The following LRGUK variants were observed in gnomAD, a reference collection of about 807,000 sequenced individuals.
LRGUK encodes leucine-rich repeat and guanylate kinase domain-containing protein.
LRGUK carries 65 observed loss-of-function variants against 76.0 expected under a neutral mutation model. The observed-to-expected ratio is 0.85, with a 90% CI of 0.70 to 1.05. The LOEUF (loss-of-function observed/expected upper bound fraction) is 1.05. LRGUK is among the 50% of genes least tolerant of loss of function. The pLI is 0.00. For missense variants in LRGUK, 758 were observed against 732.8 expected (o/e 1.03, Z -0.40); for synonymous variants, 268 against 265.6 (o/e 1.01, Z -0.09).
At chr7:134,166,755 T>C (rs781147472) in intron 7 of LRGUK, among the ~76,000 whole-genome samples, 23 of 152,204 alleles carry the variant, frequency 1.5e-4, no homozygotes, top group Non-Finnish European at 3.1e-4. Context: ...ATTTTTGTGC[T>C]GCTTTGTATA....
At chr7:134,229,726 TA>T (rs1332666381) in intron 16 of LRGUK, among the ~76,000 whole-genome samples, 2 of 152,082 alleles carry the variant, frequency 1.3e-5, no homozygotes, top group Non-Finnish European at 2.9e-5. Flanking sequence ...ACAAGTAAAA[TA>T]AATAACAGCC....
chr7:134,171,866 G>T lies in LRGUK; in HGVS notation c.940-2690G>T, dbSNP rs1323925836. Among the ~76,000 whole-genome samples, 7 of 152,182 alleles carry T rather than the reference G, an allele frequency of 4.6e-5. No individual in the cohort carries two copies. The East Asian group carries it at 7.7e-4, about 17-fold the overall frequency. On this transcript the variant is annotated intron_variant, in intron 7 of 15. Transcript: ENST00000645682. Reference sequence around the variant, plus strand: ...AAGATGTGAGGGTGGAGTCCTCGGGGTAGGTTGTGCAGGAGAGGGAGGGCG... The same window carrying T: ...AAGATGTGAGGGTGGAGTCCTCGGGTTAGGTTGTGCAGGAGAGGGAGGGCG...
At chr7:134,264,089 A>G in exon 20 of LRGUK, 1 of 1,024,180 alleles carries the variant, frequency 9.8e-7, no homozygotes, top group East Asian at 3.1e-5. Context: ...TACCCACGGA[A>G]GAATGTTCTA....
chr7:134,143,645 C>T (rs1380508127), intron 4 of LRGUK, among the ~76,000 whole-genome samples: 1 of 152,030 alleles, frequency 6.6e-6, no homozygotes, highest in African/African-American at 2.4e-5. Flanking sequence ...CAAACTTTGC[C>T]CTTTTATTTA....
chr7:134,146,638 G>A (rs1797981438), intron 4 of LRGUK, among the ~76,000 whole-genome samples: 1 of 151,966 alleles, frequency 6.6e-6, no homozygotes, highest in Non-Finnish European at 1.5e-5. Flanking sequence ...ATTTTACTAA[G>A]TAGTCCTGTT....
At position 134,174,631 on chromosome 7, in the gene LRGUK, A is replaced by G. The variant is rs1379857642; in HGVS notation, c.1015A>G (p.Ile339Val). ...AGTTCTCAATCTTCTAGAAAATCCA[A>G]TTCAGGTGAGACATTATTTATATCA... is the stretch of plus-strand genomic sequence containing the variant. Residue 339 changes from isoleucine to valine, a missense_variant, in exon 8 of 16, where the codon ATT (isoleucine) becomes GTT (valine). Coordinates refer to ENST00000645682, the Ensembl canonical transcript of LRGUK. The G allele has an allele frequency of 7.0e-6, 11 of 1,568,928 alleles. No individual in the cohort carries two copies. Among genetic ancestry groups the G allele is most frequent in the Admixed American group, 1.7e-5 (1 of 59,872 alleles).
At chr7:134,191,315 T>G (rs1800234303) in intron 11 of LRGUK, among the ~76,000 whole-genome samples, 1 of 152,172 alleles carries the variant, frequency 6.6e-6, no homozygotes, top group Non-Finnish European at 1.5e-5. Context: ...GCTCATAGAT[T>G]AAACACGAAA....
Position 134,230,988 on chromosome 7 carries a change from T to C in LRGUK, c.1983+9070T>C, listed in dbSNP as rs529847127. ...TGGTGAACTGGAATGCTATTTGTTC[T>C]GTTCATTAGCTGGACAAGCTGCAGT... On this transcript the variant is annotated intron_variant, in intron 16 of 19. Coordinates refer to the LRGUK transcript ENST00000285928. 1.4e-4 allele frequency among the ~76,000 whole-genome samples: 21 copies of C among 152,312 alleles called. No individual in the cohort carries two copies. The East Asian group carries it at 3.9e-3, about 28-fold the overall frequency.
intron 10 of LRGUK, among the ~76,000 whole-genome samples, chr7:134,183,052 G>A (rs561472595): frequency 5.3e-5 from 8 of 152,306 alleles, no homozygotes; most frequent in South Asian, 2.1e-4. Flanking sequence ...CATCGCGCCC[G>A]GCTGCGGGAG....
intron 8 of LRGUK, among the ~76,000 whole-genome samples, chr7:134,175,205 C>G (rs988773450): frequency 7.9e-5 from 12 of 152,160 alleles, no homozygotes; most frequent in Non-Finnish European, 1.3e-4. Context: ...CCTTCTCTTT[C>G]TCTCCATTGA....
downstream of LRGUK, among the ~76,000 whole-genome samples, chr7:134,268,269 G>A (rs1802896682): frequency 6.6e-6 from 1 of 151,518 alleles, no homozygotes; most frequent in African/African-American, 2.4e-5. Context: ...ATTACCAATA[G>A]TATAAATGAA....
intron 7 of LRGUK, among the ~76,000 whole-genome samples, chr7:134,168,202 T>A (rs1052875526): frequency 3.3e-5 from 5 of 151,696 alleles, no homozygotes; most frequent in African/African-American, 1.2e-4. Context: ...CTTCCAAAAA[T>A]AATAATAATA....
chr7:134,215,823 A>G (rs1403342013), intron 15 of LRGUK, among the ~76,000 whole-genome samples: 2 of 152,204 alleles, frequency 1.3e-5, no homozygotes, highest in Non-Finnish European at 2.9e-5. Flanking sequence ...ACTTTTCTGT[A>G]TTGACCAGGC....
At chr7:134,139,628 A>G (rs1797684885) in intron 3 of LRGUK, 111 bp downstream of exon 3, 3 of 658,820 alleles carry the variant, frequency 4.6e-6, no homozygotes, top group African/African-American at 3.8e-5. Flanking sequence ...TTGTGTATCA[A>G]TTTACATATT....
chr7:134,223,263 T>C (rs1457104856), intron 16 of LRGUK, among the ~76,000 whole-genome samples: 1 of 152,172 alleles, frequency 6.6e-6, no homozygotes, highest in Admixed American at 6.5e-5. Flanking sequence ...TCCCGGCAAC[T>C]TCCTTCCATC....
rs114785018 is a variant in LRGUK at position 134,139,638 on chromosome 7, T to C, written c.487+121T>C. The C allele has an allele frequency of 6.3e-4, 397 of 627,134 alleles. 2 individuals are homozygous for C. In the African/African-American group the frequency reaches 6.8e-3, roughly 11 times the overall value. The allele number at this position is 627,134 out of a possible 1,614,324, so 38.8% of individuals were successfully genotyped here. On this transcript the variant is annotated intron_variant, in intron 3 of 15. Transcript: ENST00000645682. ...CTAATTTGTGTATCAATTTACATAT[T>C]GATCCTTTGCTTTCCATGTAAAAAA...
rs541541054 is a variant in LRGUK at position 134,177,010 on chromosome 7, A to G, written c.1054A>G (p.Met352Val). 28 of 1,603,828 alleles carry G rather than the reference A, an allele frequency of 1.7e-5. 1 individual carries two copies. The East Asian group carries it at 5.8e-4, about 33-fold the overall frequency. The change falls in exon 9 of 16, where the codon ATG (methionine) becomes GTG (valine). Residue 352 changes from methionine (M) to valine (V), a missense_variant. Transcript: ENST00000645682. ...TGAATATTGGTTCTTCGTAATTTTT[A>G]TGCTTCTGCGATTAACAGAATTAGA...
At chr7:134,274,372 T>A in the LRGUK span, among the ~76,000 whole-genome samples, 1 of 152,208 alleles carries the variant, frequency 6.6e-6, no homozygotes, top group African/African-American at 2.4e-5. Context: ...ATAGTTTATA[T>A]TTCTAAATTT....
At position 134,201,527 on chromosome 7, in the gene LRGUK, A is replaced by G. The variant is rs1463825798; in HGVS notation, c.1794A>G (p.Glu598=). 6 of 1,613,928 alleles carry G rather than the reference A, an allele frequency of 3.7e-6. No homozygotes were observed. In the South Asian group the frequency reaches 5.5e-5, roughly 15 times the overall value. ...AAAAACTGAGTCAGCTCATTAGAGAATACCTTGGATTGACTGAGGAACCTG... is the reference window on the plus strand; with the variant it reads ...AAAAACTGAGTCAGCTCATTAGAGAGTACCTTGGATTGACTGAGGAACCTG... Residue 598 remains glutamate, a synonymous_variant, in exon 15 of 16, where the codon GAA becomes GAG. Coordinates refer to ENST00000645682, the Ensembl canonical transcript of LRGUK.
Sources: allele counts gnomAD v4.1 joint callset (sites outside exome capture counted in the v4.1 genomes callset), GRCh38; gene constraint gnomAD v4.1.1; transcripts MANE v1.5; gene names NCBI Gene and HGNC (gene_info 2026-07-23, HGNC 2026-07-21).